Variants in CRHR2 observed in about 807,000 individuals in gnomAD.
CRHR2 encodes corticotropin-releasing hormone receptor 2.
In CRHR2, 53 loss-of-function variants were observed where a neutral mutation model predicts 57.9. The observed-to-expected ratio is 0.92, with a 90% CI of 0.73 to 1.15. CRHR2 has a LOEUF of 1.15. Among genes scored for constraint, CRHR2 ranks in the 50% most tolerant of loss-of-function variants. The pLI, the probability that CRHR2 is intolerant of heterozygous loss-of-function variation, is 0.00. For synonymous variants in CRHR2, 213 were observed against 220.9 expected (o/e 0.96, Z 0.32); for missense variants, 532 against 542.6 (o/e 0.98, Z 0.19).
chr7:30,655,906 T>A lies in CRHR2; in HGVS notation c.917+21A>T, dbSNP rs201990718. 3.5e-5 allele frequency: 57 copies of A among 1,611,886 alleles called. No individual in the cohort carries two copies. In the East Asian group the frequency reaches 1.2e-3, roughly 34 times the overall value. ...ACCTCCTCCTGTCCCCATTGTGGGG[T>A]CAAGGGACCCCCTCACATACCTGTA... On this transcript the variant is annotated intron_variant, in intron 9 of 11. Coordinates refer to ENST00000471646, the MANE Select transcript of CRHR2 (RefSeq NM_001883.5).
upstream of CRHR2, chr7:30,686,389 C>T (rs1784858136): frequency 2.0e-6 from 3 of 1,530,542 alleles, no homozygotes; most frequent in Non-Finnish European, 2.6e-6. Context: ...GGACAGATAC[C>T]TTGGCAGAAG....
Position 30,653,580 on chromosome 7 carries a change from C to G in CRHR2, c.1116G>C (p.Lys372Asn). The change falls in exon 12 of 12, where the codon AAG becomes AAC. Residue 372 changes from lysine to asparagine, a missense_variant. Physicochemically the swap from Lys to Asn is moderately conservative, Grantham distance 94. Transcript: ENST00000471646. The surrounding 1 kb of genome is among the most constrained non-coding windows in gnomAD (Gnocchi z 5.0). ...FNGEVRSAVR[K>N]RWHRWQDHHS... ...GATGGTCCTGCCAGCGGTGCCACCT[C>G]TTCCTCACGGCTGAGCGCACCTGTG... The G allele has an allele frequency of 6.2e-7, 1 of 1,612,312 alleles. No individual in the cohort carries two copies. Among genetic ancestry groups the G allele is most frequent in the Non-Finnish European group, 8.5e-7 (1 of 1,179,804 alleles).
chr7:30,668,997 G>A (rs908976432), intron 2 of CRHR2, among the ~76,000 whole-genome samples: 5 of 152,176 alleles, frequency 3.3e-5, no homozygotes, highest in Non-Finnish European at 5.9e-5. Flanking sequence ...ACCTCAACTC[G>A]TGAGGGTCAG....
chr7:30,691,814 T>A (rs1191776026), intron 1 of CRHR2, among the ~76,000 whole-genome samples: 1 of 152,218 alleles, frequency 6.6e-6, no homozygotes, highest in Admixed American at 6.5e-5. Flanking sequence ...TAATCTACCA[T>A]GCAGGTGTCA....
At position 30,662,729 on chromosome 7, in the gene CRHR2, C is replaced by G; in HGVS notation, c.662G>C (p.Arg221Pro). The G allele has an allele frequency of 6.2e-7, 1 of 1,614,156 alleles. No homozygotes were observed. The highest frequency in any genetic ancestry group is 8.5e-7 in the Non-Finnish European group (1 of 1,180,014). ...GAAGAGGAAGAGGCACTTGCGCAGG[C>G]GCTCAGTGGAGTAGGTCATGACAAT... ...TAIVMTYSTE[R>P]LRKCLFLFIG... The change falls in exon 6 of 12, where the codon CGC (arginine) becomes CCC (proline). Residue 221 changes from arginine to proline, a missense_variant. Physicochemically the swap from Arg to Pro is moderately radical, Grantham distance 103. Transcript: ENST00000471646.
intron 1 of CRHR2, among the ~76,000 whole-genome samples, chr7:30,694,059 C>G (rs983690545): frequency 1.3e-5 from 2 of 152,164 alleles, no homozygotes. Flanking sequence ...GTCCCCAGTC[C>G]CCAGTTCAGA....
chr7:30,660,559 C>T lies in CRHR2; in HGVS notation c.831+14G>A, dbSNP rs1050557888. On this transcript the variant is annotated intron_variant, in intron 8 of 11. Transcript: ENST00000471646. ...TGGCACCCAGCCCCATCCCAGCCAC[C>T]GCTGAGGGCTTACCAGGAGCACGAG... 32 of 1,556,450 alleles carry T rather than the reference C, an allele frequency of 2.1e-5. No homozygotes were observed. Among genetic ancestry groups the T allele is most frequent in the South Asian group, 4.7e-5 (4 of 84,292 alleles).
chr7:30,694,897 T>TAAG (rs1554349924), intron 1 of CRHR2, among the ~76,000 whole-genome samples: 12 of 100,074 alleles, frequency 1.2e-4, no homozygotes, highest in African/African-American at 4.2e-4. Context: ...GAGGGGATGA[T>TAAG]GAGGAGAGAA....
At chr7:30,678,318 A>C (rs1212589647) in intron 2 of CRHR2, among the ~76,000 whole-genome samples, 1 of 152,218 alleles carries the variant, frequency 6.6e-6, no homozygotes, top group Non-Finnish European at 1.5e-5. Context: ...AAATGAGGAT[A>C]ATGCCATGTC....
chr7:30,688,383 G>A (rs1178115299), intron 2 of CRHR2, among the ~76,000 whole-genome samples: 1 of 152,174 alleles, frequency 6.6e-6, no homozygotes, highest in African/African-American at 2.4e-5. Flanking sequence ...GATGGGTTAG[G>A]TGAGTTTCCA....
rs376967621 is a variant in CRHR2, at chr7:30,658,450, G to A, written c.831+2123C>T. Among the ~76,000 whole-genome samples, 8 of 152,280 alleles carry A rather than the reference G, an allele frequency of 5.3e-5. No homozygotes were observed. The East Asian group carries it at 7.7e-4, about 15-fold the overall frequency. ...TAGCTGGGGGCCTGGAGGGGTTGGG[G>A]GTGGGGGAGATGACATCTTTCCTAA... On this transcript the variant is annotated intron_variant, in intron 8 of 11. Transcript: ENST00000471646.
rs8192492 is a variant in CRHR2, at chr7:30,653,546, G to A, written c.1150C>T (p.Arg384Ter). 1.8e-3 allele frequency: 2,857 copies of A among 1,613,322 alleles called. 6 individuals carry two copies. Among genetic ancestry groups the A allele is most frequent in the Non-Finnish European group, 2.0e-3 (2,371 of 1,179,912 alleles). ...WHRWQDHHSL[R>*]VPMARAMSIP... ...GACATGGCCCGGGCCATGGGGACTC[G>A]AAGGGAGTGATGGTCCTGCCAGCGG... Residue 384 changes from arginine to a stop codon, truncating the protein, a stop_gained, in exon 12 of 12, where the codon CGA becomes TGA. Coordinates refer to ENST00000471646, the MANE Select transcript of CRHR2 (RefSeq NM_001883.5). LOFTEE classifies it high-confidence loss of function. The surrounding 1 kb of genome is among the most constrained non-coding windows in gnomAD (Gnocchi z 5.0).
At chr7:30,699,949 G>T in exon 1 of CRHR2, 1 of 1,506,454 alleles carries the variant, frequency 6.6e-7, no homozygotes. Context: ...CTTACGTATT[G>T]GAGCGGCGGT....
intron 2 of CRHR2, among the ~76,000 whole-genome samples, chr7:30,670,519 C>T (rs1784323527): frequency 6.6e-6 from 1 of 152,228 alleles, no homozygotes; most frequent in Non-Finnish European, 1.5e-5. Flanking sequence ...CGGGAGGGGA[C>T]TTCCCTCTCT....
In CRHR2 at chr7:30,665,312, C is replaced by T; in HGVS notation, c.426-125G>A. The T allele has an allele frequency of 1.1e-6, 1 of 876,496 alleles. No individual in the cohort carries two copies. Among genetic ancestry groups the T allele is most frequent in the East Asian group, 2.6e-5 (1 of 38,058 alleles). The allele number at this position is 876,496 out of a possible 1,614,324, so 54.3% of individuals were successfully genotyped here. On this transcript the variant is annotated intron_variant, in intron 4 of 11. Coordinates refer to ENST00000471646, the MANE Select transcript of CRHR2 (RefSeq NM_001883.5). The surrounding 1 kb of genome is among the most constrained non-coding windows in gnomAD (Gnocchi z 4.5). ...GGCTGCACTAGGAGCCACTTCCCACCCATGGTGGCCACAGTTGGGCCTCTG... is the reference window on the plus strand; with the variant it reads ...GGCTGCACTAGGAGCCACTTCCCACTCATGGTGGCCACAGTTGGGCCTCTG...
chr7:30,662,196 C>A lies in CRHR2; in HGVS notation c.718G>T (p.Val240Phe). 1 of 1,614,004 alleles carries A rather than the reference C, an allele frequency of 6.2e-7. No individual in the cohort carries two copies. The highest frequency in any genetic ancestry group is 8.5e-7 in the Non-Finnish European group (1 of 1,179,992). Residue 240 changes from valine to phenylalanine, a missense_variant, in exon 7 of 12, where the codon GTC becomes TTC. Coordinates refer to ENST00000471646, the MANE Select transcript of CRHR2 (RefSeq NM_001883.5). ...IGWCIPFPII[V>F]AWAIGKLYYE... ...TAGAGCTTGCCGATGGCCCAGGCGACGATGATGGGGAAGGGGATGCCTGAA... is the reference window on the plus strand; with the variant it reads ...TAGAGCTTGCCGATGGCCCAGGCGAAGATGATGGGGAAGGGGATGCCTGAA...
chr7:30,669,117 C>G (rs1166168908), intron 2 of CRHR2, among the ~76,000 whole-genome samples: 1 of 152,160 alleles, frequency 6.6e-6, no homozygotes, highest in Non-Finnish European at 1.5e-5. Flanking sequence ...TCTGAACAGT[C>G]TATGTGAGGT....
chr7:30,669,355 A>G (rs962299488), intron 2 of CRHR2, among the ~76,000 whole-genome samples: 1 of 152,112 alleles, frequency 6.6e-6, no homozygotes, highest in Non-Finnish European at 1.5e-5. Context: ...GGAGCTGTCT[A>G]GGTGAGTGAG....
intron 1 of CRHR2, among the ~76,000 whole-genome samples, chr7:30,699,004 G>A (rs141717684): frequency 1.0e-3 from 154 of 152,290 alleles, no homozygotes; most frequent in African/African-American, 3.5e-3. Context: ...CTCCTTATAC[G>A]TATAGGGACA....
Sources: gnomAD v4.1 joint callset for allele counts (sites outside exome capture counted in the v4.1 genomes callset) on GRCh38, gnomAD v4.1.1 for gene constraint, Gnocchi (gnomAD v3.1) non-coding constraint, MANE v1.5 for transcripts, NCBI Gene and HGNC (gene_info 2026-07-23, HGNC 2026-07-21) for gene names.